MCF2L2: variants seen among roughly 807,000 people sequenced by gnomAD.
MCF2L2 encodes the protein MCF.2 cell line derived transforming sequence-like 2.
MCF2L2 carries 102 observed loss-of-function variants against 150.2 expected under a neutral mutation model. That is an observed-to-expected ratio of 0.68 (90% CI 0.58 to 0.80). MCF2L2 has a LOEUF of 0.80. MCF2L2 is among the 30% of genes least tolerant of loss of function. The pLI, the probability that MCF2L2 is intolerant of heterozygous loss-of-function variation, is 0.00. For synonymous variants in MCF2L2, 465 were observed against 491.3 expected, an observed-to-expected ratio of 0.95 and a Z score of 0.71; for missense variants, 1,256 against 1,372.8, an observed-to-expected ratio of 0.91 and a Z score of 1.34.
At chr3:183,370,796 T>C (rs746024751) in intron 3 of MCF2L2, among the ~76,000 whole-genome samples, 3 of 145,332 alleles carry the variant, frequency 2.1e-5, no homozygotes, top group Non-Finnish European at 3.0e-5. Flanking sequence ...AAGACTTACT[T>C]GCCAGTGCCA....
At chr3:183,265,979 T>C (rs1334285632) in intron 15 of MCF2L2, 2 of 152,230 alleles carry the variant, frequency 1.3e-5, no homozygotes, top group East Asian at 3.8e-4. Context: ...GCATTTTGAC[T>C]TGTTGATGTC....
At position 183,197,144 on chromosome 3, in the gene MCF2L2, A is replaced by G. The variant is rs1722106233; in HGVS notation, c.2885-1889T>C. ...AAGCAGATTCTAAAATATATATAGAAGTATAAAGGACACAGAATAATCAAA... is the reference window on the plus strand; with the variant it reads ...AAGCAGATTCTAAAATATATATAGAGGTATAAAGGACACAGAATAATCAAA... On this transcript the variant is annotated intron_variant, in intron 25 of 29. Transcript: ENST00000328913. This position sits in a 1 kb window ranked among gnomAD's most constrained non-coding sequence, Gnocchi z 4.5. 6.6e-6 allele frequency among the ~76,000 whole-genome samples: 1 copy of G among 152,224 alleles called. No homozygotes were observed. Among genetic ancestry groups the G allele is most frequent in the African/African-American group, 2.4e-5 (1 of 41,456 alleles).
In MCF2L2 at chr3:183,250,963, G is replaced by A. The variant is rs144079044; in HGVS notation, c.1863-19946C>T. Among the ~76,000 whole-genome samples the A allele has an allele frequency of 2.2e-3, 338 of 152,312 alleles. 4 individuals are homozygous for A. The highest frequency in any genetic ancestry group is 7.9e-3 in the African/African-American group (327 of 41,568). On this transcript the variant is annotated intron_variant, in intron 15 of 29. Transcript: ENST00000328913. ...AGGCTCTGAGCTCAGCACTCCACCC[G>A]TCACTGCGATTGCACTAATCCTCAC... is the stretch of plus-strand genomic sequence containing the variant.
chr3:183,412,023 T>A (rs1350967387), intron 1 of MCF2L2, among the ~76,000 whole-genome samples: 1 of 152,200 alleles, frequency 6.6e-6, no homozygotes, highest in Non-Finnish European at 1.5e-5. Context: ...CAAGGAGATG[T>A]TCTGCTTCCA....
chr3:183,368,565 A>C (rs1463521003), intron 3 of MCF2L2, among the ~76,000 whole-genome samples: 1 of 152,106 alleles, frequency 6.6e-6, no homozygotes, highest in Non-Finnish European at 1.5e-5. Context: ...GGAGTTCGAG[A>C]CCAGCCTGGC....
intron 7 of MCF2L2, among the ~76,000 whole-genome samples, chr3:183,316,116 A>T (rs1157535373): frequency 1.3e-5 from 2 of 152,172 alleles, no homozygotes; most frequent in African/African-American, 4.8e-5. Context: ...GGGCCTGTGC[A>T]ACTGCAAACT....
intron 18 of MCF2L2, chr3:183,224,614 T>C (rs12489712): frequency 0.52 from 79,392 of 154,084 alleles, 21,714 homozygotes; most frequent in East Asian, 0.7. Flanking sequence ...CACCCTCTCC[T>C]TGTGGTCATC....
intron 3 of MCF2L2, among the ~76,000 whole-genome samples, chr3:183,357,666 C>T (rs960836990): frequency 2.0e-5 from 3 of 152,082 alleles, no homozygotes; most frequent in Non-Finnish European, 2.9e-5. Flanking sequence ...CTTTTCCATG[C>T]ACACCCTGAC....
chr3:183,341,941 G>A (rs749702472), intron 3 of MCF2L2, among the ~76,000 whole-genome samples: 1 of 152,176 alleles, frequency 6.6e-6, no homozygotes, highest in Admixed American at 6.5e-5. Flanking sequence ...CAATGTAGGC[G>A]GAGGACCTTG....
At chr3:183,301,953 G>T (rs1577045002) in intron 10 of MCF2L2, among the ~76,000 whole-genome samples, 1 of 152,170 alleles carries the variant, frequency 6.6e-6, no homozygotes, top group Non-Finnish European at 1.5e-5. Flanking sequence ...TGAACTGTTT[G>T]TGCAAACAGT....
In MCF2L2 at chr3:183,270,541, C is replaced by T. The variant is rs1350364554; in HGVS notation, c.1862+6331G>A. On this transcript the variant is annotated intron_variant, in intron 15 of 29. Transcript: ENST00000328913. This position sits in a 1 kb window ranked among gnomAD's most constrained non-coding sequence, Gnocchi z 4.5. ...TCCTATGAAATGTACCAGTGGCCAG[C>T]TTACCCTGACTACACAGCCGGAGCT... 1.4e-5 allele frequency: 22 copies of T among 1,614,020 alleles called. No homozygotes were observed. The highest frequency in any genetic ancestry group is 1.9e-5 in the Non-Finnish European group (22 of 1,180,002).
intron 14 of MCF2L2, among the ~76,000 whole-genome samples, chr3:183,281,277 C>G (rs1274142563): frequency 3.9e-5 from 6 of 151,990 alleles, no homozygotes; most frequent in Non-Finnish European, 5.9e-5. Context: ...CATGACGCAG[C>G]CCCAGAGTAA....
chr3:183,392,697 T>C (rs1306207526), intron 1 of MCF2L2, among the ~76,000 whole-genome samples: 1 of 152,168 alleles, frequency 6.6e-6, no homozygotes, highest in South Asian at 2.1e-4. Flanking sequence ...TGACTCGGCA[T>C]GGAGATGACT....
At chr3:183,406,916 G>A (rs1384906684) in intron 1 of MCF2L2, among the ~76,000 whole-genome samples, 4 of 152,130 alleles carry the variant, frequency 2.6e-5, no homozygotes, top group African/African-American at 7.2e-5. Flanking sequence ...TTATGAACCA[G>A]ACTTTTGGTC....
chr3:183,187,426 C>A (rs1721735380), intron 27 of MCF2L2, among the ~76,000 whole-genome samples: 1 of 152,162 alleles, frequency 6.6e-6, no homozygotes. Flanking sequence ...CCATCCAAGT[C>A]AGTAAAACAG....
intron 4 of MCF2L2, among the ~76,000 whole-genome samples, chr3:183,340,542 G>A (rs2108540570): frequency 1.3e-5 from 2 of 152,236 alleles, no homozygotes. Context: ...ATAAGCAAAA[G>A]GAGGCCAATC....
At chr3:183,222,595 C>T (rs907379932) in intron 20 of MCF2L2, among the ~76,000 whole-genome samples, 14 of 152,078 alleles carry the variant, frequency 9.2e-5, no homozygotes. Flanking sequence ...TGGGGAAGTA[C>T]CCAGTAAACA....
intron 25 of MCF2L2, among the ~76,000 whole-genome samples, chr3:183,204,581 G>A (rs1452767750): frequency 6.6e-6 from 1 of 152,126 alleles, no homozygotes; most frequent in African/African-American, 2.4e-5. Flanking sequence ...TGGTGGTACT[G>A]TTTTGAAAGA....
At chr3:183,395,982 C>G (rs1481754904) in intron 1 of MCF2L2, among the ~76,000 whole-genome samples, 2 of 150,184 alleles carry the variant, frequency 1.3e-5, no homozygotes, top group Non-Finnish European at 3.0e-5. Context: ...CCCCTCCCCC[C>G]ACCTCCAGAA....
Sources: allele counts gnomAD v4.1 joint callset (sites outside exome capture counted in the v4.1 genomes callset), GRCh38; gene constraint gnomAD v4.1.1; non-coding constraint Gnocchi (gnomAD v3.1); transcripts MANE v1.5; gene names NCBI Gene and HGNC (gene_info 2026-07-23, HGNC 2026-07-21).